Variants in ABAT observed in about 807,000 individuals in gnomAD.
The protein encoded by ABAT is 4-aminobutyrate aminotransferase.
Under a neutral mutation model 64.6 loss-of-function variants are expected in ABAT, and 45 were observed. The observed-to-expected ratio is 0.70, with a 90% confidence interval of 0.55 to 0.89. ABAT has a LOEUF of 0.89. ABAT is among the 40% of genes least tolerant of loss of function. The pLI is 0.00. For missense variants in ABAT, 633 were observed against 658.4 expected, an observed-to-expected ratio of 0.96 and a Z score of 0.42; for synonymous variants, 297 against 250.5, an observed-to-expected ratio of 1.19 and a Z score of -1.75.
At chr16:8,751,318 ACT>A in intron 5 of ABAT, among the ~76,000 whole-genome samples, 1 of 151,838 alleles carries the variant, frequency 6.6e-6, no homozygotes, top group East Asian at 1.9e-4. Context: ...GAACTCCTGG[ACT>A]CAAGTGATCC....
intron 1 of ABAT, among the ~76,000 whole-genome samples, chr16:8,689,079 C>CAA (rs35850996): frequency 1.2e-4 from 10 of 85,870 alleles, no homozygotes; most frequent in African/African-American, 2.4e-4. Context: ...GACCCTGTCT[C>CAA]AAAAAAAAAA....
chr16:8,735,646 TGA>T, intron 1 of ABAT, 51 bp from the exon 2 acceptor site: 1 of 1,433,096 alleles, frequency 7.0e-7, no homozygotes, highest in Middle Eastern at 1.7e-4. Flanking sequence ...GATCTTTGGC[TGA>T]GAGGGGAGTG....
chr16:8,733,560 G>C (rs1302760153), intron 1 of ABAT, among the ~76,000 whole-genome samples: 1 of 151,922 alleles, frequency 6.6e-6, no homozygotes, highest in Admixed American at 6.5e-5. Context: ...CTGAGTGAAC[G>C]AGACTCCGTC....
At chr16:8,749,390 T>TTTTTC (rs2059417172) in intron 4 of ABAT, among the ~76,000 whole-genome samples, 1 of 89,118 alleles carries the variant, frequency 1.1e-5, no homozygotes, top group Non-Finnish European at 2.0e-5. Flanking sequence ...CCCGGCCTTT[T>TTTTTC]TTTTTTTTTT....
intron 15 of ABAT, chr16:8,780,545 T>A (rs2060403772): frequency 6.4e-6 from 1 of 155,454 alleles, no homozygotes; most frequent in African/African-American, 2.4e-5. Context: ...GCAGATCAGC[T>A]GAAGTCAGGA....
intron 5 of ABAT, among the ~76,000 whole-genome samples, chr16:8,753,402 G>T (rs2059550398): frequency 6.6e-6 from 1 of 152,152 alleles, no homozygotes; most frequent in Non-Finnish European, 1.5e-5. Context: ...GCCCTCCCAA[G>T]CTTATTTCTA....
In ABAT at chr16:8,776,606, C is replaced by T. The variant is rs369800505; in HGVS notation, c.1269+116C>T. The stretch of plus-strand genomic sequence containing the variant: ...TGCCTGCTGTTCCAGCAGTTCGTAA[C>T]GGGCTGTGCTGCTCCTAGCCTTGGG... On this transcript the variant is annotated intron_variant, in intron 14 of 15. Transcript: ENST00000268251. The surrounding 1 kb of genome is among the most constrained non-coding windows in gnomAD (Gnocchi z 4.4). The T allele has an allele frequency of 3.3e-5, 38 of 1,139,278 alleles. 1 individual carries two copies. The highest frequency in any genetic ancestry group is 2.8e-4 in the Middle Eastern group (1 of 3,608). 70.6% of individuals were successfully genotyped at this position (1,139,278 alleles called of 1,614,324 possible).
chr16:8,721,146 T>C (rs559823049), intron 1 of ABAT, among the ~76,000 whole-genome samples: 28 of 152,064 alleles, frequency 1.8e-4, no homozygotes, highest in African/African-American at 6.5e-4. Flanking sequence ...ATACGGCGGG[T>C]CAGTGAGAGG....
At chr16:8,778,620 A>G (rs1327584488) in intron 14 of ABAT, among the ~76,000 whole-genome samples, 1 of 151,856 alleles carries the variant, frequency 6.6e-6, no homozygotes, top group African/African-American at 2.4e-5. Flanking sequence ...CTAAAACTAC[A>G]AAAAAAAGTT....
chr16:8,756,608 T>G (rs1219320061), intron 5 of ABAT, among the ~76,000 whole-genome samples: 1 of 152,210 alleles, frequency 6.6e-6, no homozygotes, highest in African/African-American at 2.4e-5. Context: ...AGAGAGATAC[T>G]CAGTGCGTGC....
chr16:8,695,074 C>T (rs2057671859), intron 1 of ABAT, among the ~76,000 whole-genome samples: 1 of 152,252 alleles, frequency 6.6e-6, no homozygotes, highest in Non-Finnish European at 1.5e-5. Flanking sequence ...GGGACAAGGG[C>T]ATTTGACCTT....
chr16:8,746,795 C>G (rs1037586570), intron 3 of ABAT, among the ~76,000 whole-genome samples: 1 of 152,016 alleles, frequency 6.6e-6, no homozygotes, highest in African/African-American at 2.4e-5. Context: ...TGCTTCATAA[C>G]AAACAGCCAC....
intron 1 of ABAT, among the ~76,000 whole-genome samples, chr16:8,692,498 T>G (rs2057606651): frequency 6.6e-6 from 1 of 152,188 alleles, no homozygotes; most frequent in Non-Finnish European, 1.5e-5. Flanking sequence ...GAAGCTGCAT[T>G]CCAGGACATT....
chr16:8,743,007 TAAAAAAAAA>T (rs71152928), intron 2 of ABAT, among the ~76,000 whole-genome samples: 2 of 124,250 alleles, frequency 1.6e-5, no homozygotes, highest in Non-Finnish European at 3.3e-5. Context: ...CTCATTTCTT[TAAAAAAAAA>T]AAAAAAAAAA....
intron 1 of ABAT, among the ~76,000 whole-genome samples, chr16:8,682,952 T>G (rs531404955): frequency 4.1e-4 from 62 of 152,320 alleles, no homozygotes; most frequent in Admixed American, 1.6e-3. Context: ...TAGACAGATC[T>G]GTAAACCCCA....
At chr16:8,694,971 C>T (rs1016645534) in intron 1 of ABAT, among the ~76,000 whole-genome samples, 2 of 152,230 alleles carry the variant, frequency 1.3e-5, no homozygotes, top group Non-Finnish European at 2.9e-5. Context: ...TCCCCATTCC[C>T]GACGTTTCAC....
intron 1 of ABAT, among the ~76,000 whole-genome samples, chr16:8,718,736 A>C (rs1412043609): frequency 6.6e-6 from 1 of 152,218 alleles, no homozygotes; most frequent in Non-Finnish European, 1.5e-5. Context: ...TTTGCCTCCC[A>C]GGAGTAGATA....
intron 1 of ABAT, among the ~76,000 whole-genome samples, chr16:8,708,838 G>A (rs2058007765): frequency 6.6e-6 from 1 of 152,150 alleles, no homozygotes; most frequent in Admixed American, 6.5e-5. Flanking sequence ...TCTGTAGCTT[G>A]TAAGAGCACC....
chr16:8,729,267 G>A (rs3095516), intron 1 of ABAT, among the ~76,000 whole-genome samples: 94,903 of 151,850 alleles, frequency 0.62, 30,308 homozygotes, highest in Admixed American at 0.7. Context: ...TTACACCACT[G>A]CTCTCCAGCC....
Sources: gnomAD v4.1 joint callset for allele counts (sites outside exome capture counted in the v4.1 genomes callset) on GRCh38, gnomAD v4.1.1 for gene constraint, Gnocchi (gnomAD v3.1) non-coding constraint, MANE v1.5 for transcripts, NCBI Gene and HGNC (gene_info 2026-07-23, HGNC 2026-07-21) for gene names.